NRG3: variants seen among roughly 807,000 people sequenced by gnomAD.
NRG3 encodes the protein pro-neuregulin-3, membrane-bound isoform.
Under a neutral mutation model 66.9 loss-of-function variants are expected in NRG3, and 31 were observed. The observed-to-expected ratio is 0.46, with a 90% CI of 0.35 to 0.63. The LOEUF (loss-of-function observed/expected upper bound fraction) is 0.63. Among genes scored for constraint, NRG3 ranks in the 20% least tolerant of loss-of-function variants. NRG3 has a pLI of 0.00. For synonymous variants in NRG3, 393 were observed against 359.4 expected (o/e 1.09, Z -1.06); for missense variants, 910 against 878.9 (o/e 1.04, Z -0.45).
At chr10:82,222,598 C>T (rs545277896) in intron 1 of NRG3, among the ~76,000 whole-genome samples, 7 of 149,314 alleles carry the variant, frequency 4.7e-5, no homozygotes, top group Non-Finnish European at 1.0e-4. Flanking sequence ...CAATTACTAC[C>T]TTCAGATCAA....
At chr10:81,881,685 G>A (rs1196515549) in intron 1 of NRG3, among the ~76,000 whole-genome samples, 1 of 152,168 alleles carries the variant, frequency 6.6e-6, no homozygotes, top group East Asian at 1.9e-4. Context: ...GGTTCATAAA[G>A]CAGACAATTA....
intron 2 of NRG3, among the ~76,000 whole-genome samples, chr10:82,605,669 A>G (rs1441440847): frequency 1.3e-5 from 2 of 152,012 alleles, no homozygotes; most frequent in Non-Finnish European, 2.9e-5. Flanking sequence ...TATTTCTTAA[A>G]CTAGTATTTC....
chr10:82,301,613 T>C (rs2134778667), intron 1 of NRG3, among the ~76,000 whole-genome samples: 1 of 151,074 alleles, frequency 6.6e-6, no homozygotes, highest in East Asian at 1.9e-4. Context: ...TTTTATCACA[T>C]TTTCTTTGCA....
At chr10:82,256,613 G>A (rs1464763330) in intron 1 of NRG3, among the ~76,000 whole-genome samples, 1 of 151,968 alleles carries the variant, frequency 6.6e-6, no homozygotes, top group Non-Finnish European at 1.5e-5. Context: ...TGTTCTTGTG[G>A]GATAACTATG....
chr10:82,938,655 A>G (rs1382061678), intron 4 of NRG3, among the ~76,000 whole-genome samples: 1 of 152,250 alleles, frequency 6.6e-6, no homozygotes, highest in Non-Finnish European at 1.5e-5. Context: ...TTACACCAAT[A>G]TGGAGAAGGT....
At chr10:82,393,073 T>C (rs2086492222) in intron 2 of NRG3, among the ~76,000 whole-genome samples, 1 of 152,076 alleles carries the variant, frequency 6.6e-6, no homozygotes, top group African/African-American at 2.4e-5. Context: ...TCTGACTTCT[T>C]AAGTATGGTT....
Position 82,285,862 on chromosome 10 carries a change from G to A in NRG3, c.824-72877G>A, listed in dbSNP as rs575021786. ...CAGAGCTGCCCTACCTCAGAATAGA[G>A]CTTCTTTATTCCTTCAAATTCCCAA... On this transcript the variant is annotated intron_variant, in intron 1 of 8. Transcript: ENST00000372141. Among the ~76,000 whole-genome samples, 152 of 152,258 alleles carry A rather than the reference G, an allele frequency of 1.0e-3. 1 individual carries two copies. Among genetic ancestry groups the A allele is most frequent in the African/African-American group, 3.6e-3 (149 of 41,574 alleles).
At chr10:82,628,872 C>G (rs1397673386) in intron 2 of NRG3, among the ~76,000 whole-genome samples, 1 of 152,124 alleles carries the variant, frequency 6.6e-6, no homozygotes, top group African/African-American at 2.4e-5. Context: ...AGAGAAAGAT[C>G]TGGCTCAATA....
intron 1 of NRG3, among the ~76,000 whole-genome samples, chr10:82,246,140 A>C (rs147663139): frequency 7.4e-4 from 113 of 152,178 alleles, no homozygotes; most frequent in African/African-American, 2.4e-3. Context: ...TTTCGCATGT[A>C]ACTACTTACT....
At chr10:82,289,308 C>T (rs2134565180) in intron 1 of NRG3, among the ~76,000 whole-genome samples, 1 of 152,048 alleles carries the variant, frequency 6.6e-6, no homozygotes, top group South Asian at 2.1e-4. Context: ...TCCCCCTCCT[C>T]AGGCAAAATC....
At chr10:82,485,979 T>C (rs1000730969) in intron 2 of NRG3, among the ~76,000 whole-genome samples, 8 of 152,132 alleles carry the variant, frequency 5.3e-5, no homozygotes, top group African/African-American at 1.9e-4. Flanking sequence ...AATTAAAAAA[T>C]GGAAGTGGAC....
chr10:82,289,702 T>C (rs2079614774), intron 1 of NRG3, among the ~76,000 whole-genome samples: 1 of 152,218 alleles, frequency 6.6e-6, no homozygotes, highest in Non-Finnish European at 1.5e-5. Flanking sequence ...CTTTTCTACA[T>C]ATGTGGGAAT....
At chr10:82,905,908 A>G (rs1399847902) in intron 4 of NRG3, among the ~76,000 whole-genome samples, 2 of 152,146 alleles carry the variant, frequency 1.3e-5, no homozygotes, top group Admixed American at 1.3e-4. Context: ...TTTTGCTTCT[A>G]ACCACATTCC....
chr10:82,244,408 G>A (rs746969608), intron 1 of NRG3, among the ~76,000 whole-genome samples: 2 of 152,190 alleles, frequency 1.3e-5, no homozygotes, highest in Non-Finnish European at 2.9e-5. Context: ...CATTGAATTA[G>A]ATGTCTGGAG....
chr10:82,626,008 A>G (rs2049393375), intron 2 of NRG3, among the ~76,000 whole-genome samples: 1 of 152,172 alleles, frequency 6.6e-6, no homozygotes, highest in South Asian at 2.1e-4. Context: ...TGCCATTTAC[A>G]GGGCTTAATC....
At chr10:82,887,751 T>C (rs561089883) in intron 4 of NRG3, among the ~76,000 whole-genome samples, 1 of 152,308 alleles carries the variant, frequency 6.6e-6, no homozygotes, top group East Asian at 1.9e-4. Flanking sequence ...AATGTAAATA[T>C]TGCCACCACT....
At chr10:82,759,588 T>C (rs1280297813) in intron 3 of NRG3, among the ~76,000 whole-genome samples, 1 of 152,122 alleles carries the variant, frequency 6.6e-6, no homozygotes, top group Admixed American at 6.6e-5. Context: ...ATCACATCAC[T>C]GAGATCCTGC....
intron 3 of NRG3, among the ~76,000 whole-genome samples, chr10:82,806,968 T>C (rs1454367471): frequency 6.6e-6 from 1 of 152,238 alleles, no homozygotes; most frequent in Non-Finnish European, 1.5e-5. Flanking sequence ...AGACTCACAC[T>C]ATATTTTATT....
intron 2 of NRG3, among the ~76,000 whole-genome samples, chr10:82,438,780 C>G (rs1158008886): frequency 2.0e-5 from 3 of 152,150 alleles, no homozygotes; most frequent in African/African-American, 7.2e-5. Context: ...GGAGGGGGTT[C>G]TTCTTTCCCA....
Sources: gnomAD v4.1 joint callset for allele counts (sites outside exome capture counted in the v4.1 genomes callset) on GRCh38, gnomAD v4.1.1 for gene constraint, MANE v1.5 for transcripts, NCBI Gene and HGNC (gene_info 2026-07-23, HGNC 2026-07-21) for gene names.